Variants in CERT1 observed in about 807,000 individuals in gnomAD.
The protein encoded by CERT1 is ceramide transfer protein.
A neutral mutation model predicts 87.9 loss-of-function variants in CERT1; 31 were observed. The observed-to-expected ratio is 0.35, with a 90% CI of 0.27 to 0.48. CERT1 has a LOEUF of 0.48. CERT1 is among the 20% of genes least tolerant of loss of function. The pLI is 0.99. For missense variants in CERT1, 487 were observed against 758.0 expected (o/e 0.64, Z 4.20); for synonymous variants, 289 against 250.9 (o/e 1.15, Z -1.44).
chr5:75,445,300 A>AT (rs959837995), intron 3 of CERT1, among the ~76,000 whole-genome samples: 1 of 152,186 alleles, frequency 6.6e-6, no homozygotes, highest in South Asian at 2.1e-4. Flanking sequence ...TTTTACTAAG[A>AT]TTTTTATTTC....
intron 1 of CERT1, among the ~76,000 whole-genome samples, chr5:75,506,462 T>A (rs1364029328): frequency 6.6e-6 from 1 of 152,228 alleles, no homozygotes; most frequent in East Asian, 1.9e-4. Context: ...TTCATGATAT[T>A]TGTTTTGGTC....
At chr5:75,430,652 A>G (rs1447958215) in intron 3 of CERT1, among the ~76,000 whole-genome samples, 1 of 152,184 alleles carries the variant, frequency 6.6e-6, no homozygotes, top group Non-Finnish European at 1.5e-5. Context: ...TACCCCAATA[A>G]AGTTGATAAA....
intron 1 of CERT1, among the ~76,000 whole-genome samples, chr5:75,509,935 A>T (rs1767843150): frequency 6.6e-6 from 1 of 152,228 alleles, no homozygotes; most frequent in South Asian, 2.1e-4. Flanking sequence ...ATCAATATAC[A>T]ACATAATTTT....
chr5:75,427,514 G>A (rs1248489025), intron 3 of CERT1, among the ~76,000 whole-genome samples: 4 of 152,132 alleles, frequency 2.6e-5, no homozygotes, highest in East Asian at 1.9e-4. Context: ...CAGGAGAATC[G>A]CCTGAACCTG....
intron 2 of CERT1, among the ~76,000 whole-genome samples, chr5:75,498,478 C>T (rs966459813): frequency 4.6e-5 from 7 of 152,184 alleles, no homozygotes; most frequent in South Asian, 2.1e-4. Flanking sequence ...GGACCTGGCG[C>T]CCTGTGTCTC....
intron 2 of CERT1, among the ~76,000 whole-genome samples, chr5:75,480,479 T>C (rs1766183893): frequency 6.6e-6 from 1 of 152,172 alleles, no homozygotes; most frequent in Non-Finnish European, 1.5e-5. Flanking sequence ...AAAATGGAAT[T>C]CTGAAGCAAT....
intron 2 of CERT1, among the ~76,000 whole-genome samples, chr5:75,495,800 T>C (rs1767033768): frequency 6.6e-6 from 1 of 152,118 alleles, no homozygotes; most frequent in South Asian, 2.1e-4. Flanking sequence ...TAAATAATAA[T>C]GCTGTTCAGA....
At chr5:75,478,452 G>C (rs1766075177) in intron 2 of CERT1, among the ~76,000 whole-genome samples, 1 of 152,164 alleles carries the variant, frequency 6.6e-6, no homozygotes, top group Non-Finnish European at 1.5e-5. Flanking sequence ...AGTGTGCAGT[G>C]ACGGAGGACA....
Position 75,403,154 on chromosome 5 carries a change from AT to A in CERT1, c.931-97del. The A allele has an allele frequency of 6.4e-6, 5 of 780,058 alleles. No homozygotes were observed. In the South Asian group the frequency reaches 7.4e-5, roughly 12 times the overall value. The allele number at this position is 780,058 out of a possible 1,614,324, so 48.3% of individuals were successfully genotyped here. ...TAACTTGAGTTTGAAAATTGACCTA[AT>A]AAACATTTATTGAACACATATTTAC... On this transcript the variant is annotated intron_variant, in intron 8 of 16. Transcript: ENST00000643780.
At chr5:75,496,588 A>AT (rs1767081159) in intron 2 of CERT1, among the ~76,000 whole-genome samples, 2 of 152,236 alleles carry the variant, frequency 1.3e-5, no homozygotes, top group South Asian at 2.1e-4. Context: ...TCAACTGGTG[A>AT]ATGCATAAGC....
At chr5:75,422,787 ATTAAG>A (rs1437855575) in intron 5 of CERT1, among the ~76,000 whole-genome samples, 2 of 152,210 alleles carry the variant, frequency 1.3e-5, no homozygotes, top group African/African-American at 4.8e-5. Context: ...TAAAGCAGTA[ATTAAG>A]TTAACATGGG....
At position 75,381,211 on chromosome 5, in the gene CERT1, C is replaced by G; in HGVS notation, c.1618-10G>C. 6.2e-7 allele frequency: 1 copy of G among 1,612,830 alleles called. No homozygotes were observed. The highest frequency in any genetic ancestry group is 8.5e-7 in the Non-Finnish European group (1 of 1,179,644). On this transcript the variant is annotated splice_polypyrimidine_tract_variant and intron_variant, in intron 15 of 16. Transcript: ENST00000643780. ...CACATCGGTTGTTTAGCTGCCAAAA[C>G]AAAAAACAAAGCATCAGTAGATACC...
At chr5:75,406,672 T>C (rs912750967) in intron 8 of CERT1, among the ~76,000 whole-genome samples, 1 of 151,996 alleles carries the variant, frequency 6.6e-6, no homozygotes, top group Non-Finnish European at 1.5e-5. Flanking sequence ...CCCGAGTAGA[T>C]GGGACTACAG....
At chr5:75,396,829 CT>C (rs1253945107) in intron 11 of CERT1, among the ~76,000 whole-genome samples, 1 of 151,682 alleles carries the variant, frequency 6.6e-6, no homozygotes, top group African/African-American at 2.4e-5. Context: ...TCTTATTTTG[CT>C]TAATACAAAA....
At position 75,432,490 on chromosome 5, in the gene CERT1, T is replaced by A. The variant is rs569400679; in HGVS notation, c.349-6012A>T. On this transcript the variant is annotated intron_variant, in intron 3 of 16. Transcript: ENST00000643780. Reference sequence around the variant, plus strand: ...TGATGTTGAACACTTTTTCACATGCTTGATGGCAGCATGGATGTCTTTTGA... The same window carrying A: ...TGATGTTGAACACTTTTTCACATGCATGATGGCAGCATGGATGTCTTTTGA... Among the ~76,000 whole-genome samples the A allele has an allele frequency of 2.6e-5, 4 of 152,374 alleles. No individual in the cohort carries two copies. In the South Asian group the frequency reaches 8.3e-4, roughly 32 times the overall value.
chr5:75,488,695 A>G (rs777348471), intron 2 of CERT1, among the ~76,000 whole-genome samples: 2 of 152,080 alleles, frequency 1.3e-5, no homozygotes, highest in Non-Finnish European at 2.9e-5. Flanking sequence ...TTAATTTTGT[A>G]AAGTGTGGTG....
chr5:75,396,108 T>G (rs1382214316), intron 11 of CERT1, among the ~76,000 whole-genome samples: 1 of 152,152 alleles, frequency 6.6e-6, no homozygotes, highest in East Asian at 1.9e-4. Context: ...CTATAAAACA[T>G]CATTTCAAGA....
Position 75,379,168 on chromosome 5 carries a change from C to G in CERT1, c.*178G>C, listed in dbSNP as rs1402664781. The G allele has an allele frequency of 1.7e-6, 1 of 596,924 alleles. No individual in the cohort carries two copies. Among genetic ancestry groups the G allele is most frequent in the Non-Finnish European group, 2.9e-6 (1 of 343,866 alleles). 37.0% of individuals were successfully genotyped at this position (596,924 alleles called of 1,614,324 possible). A position where few individuals can be genotyped will look rare whatever the true frequency, so the allele number is the denominator to read the frequency against. On this transcript the variant is annotated 3_prime_UTR_variant, in exon 17 of 17. Transcript: ENST00000643780. The stretch of plus-strand genomic sequence containing the variant: ...TTGCACTTCAGCTTAGGAAACAGAG[C>G]AAGACCCTGTTTAAAACAACAACAA...
chr5:75,405,483 G>A (rs990737103), intron 8 of CERT1, among the ~76,000 whole-genome samples: 2 of 152,102 alleles, frequency 1.3e-5, no homozygotes, highest in African/African-American at 4.8e-5. Context: ...ATCTAATATA[G>A]AAGACTTCCT....
Sources: allele counts gnomAD v4.1 joint callset (sites outside exome capture counted in the v4.1 genomes callset), GRCh38; gene constraint gnomAD v4.1.1; transcripts MANE v1.5; gene names NCBI Gene and HGNC (gene_info 2026-07-23, HGNC 2026-07-21).